The following KLHL22 variants were observed in gnomAD, a reference collection of about 807,000 sequenced individuals.
The protein encoded by KLHL22 is kelch-like protein 22.
KLHL22 carries 18 observed loss-of-function variants against 60.7 expected under a neutral mutation model. The observed-to-expected ratio is 0.30, with a 90% confidence interval of 0.20 to 0.44. The LOEUF is 0.44. KLHL22 is among the 20% of genes least tolerant of loss of function. KLHL22 has a pLI of 1.00. For synonymous variants in KLHL22, 355 were observed against 354.5 expected, an observed-to-expected ratio of 1.00 and a Z score of -0.01; for missense variants, 596 against 852.3, an observed-to-expected ratio of 0.70 and a Z score of 3.74.
At chr22:20,486,970 C>A (rs2053596774) in intron 2 of KLHL22, among the ~76,000 whole-genome samples, 1 of 150,626 alleles carries the variant, frequency 6.6e-6, no homozygotes, top group African/African-American at 2.4e-5. Flanking sequence ...AGTGAGCCAC[C>A]AAGCCTGGCC....
chr22:20,483,593 G>C, intron 2 of KLHL22: 1 of 727,332 alleles, frequency 1.4e-6, no homozygotes, highest in Non-Finnish European at 2.5e-6. Flanking sequence ...TGCATGGGCA[G>C]TTCTGTCTCA....
Position 20,465,467 on chromosome 22 carries a change from G to C in KLHL22, c.503C>G (p.Thr168Ser). 1 of 1,613,330 alleles carries C rather than the reference G, an allele frequency of 6.2e-7. No individual in the cohort carries two copies. The highest frequency in any genetic ancestry group is 8.5e-7 in the Non-Finnish European group (1 of 1,179,250). Residue 168 changes from threonine to serine, a missense_variant, in exon 4 of 7, where the codon ACT becomes AGT. Thr to Ser is a moderately conservative substitution (Grantham distance 58). Coordinates refer to ENST00000328879, the MANE Select transcript of KLHL22 (RefSeq NM_032775.4). This position sits in a 1 kb window ranked among gnomAD's most constrained non-coding sequence, Gnocchi z 4.9. ...GAGGATATAGGTGTCCAGTTGCTCAGTCAGGCGGCTCAAGTCAAACAGCTC... is the reference window on the plus strand; with the variant it reads ...GAGGATATAGGTGTCCAGTTGCTCACTCAGGCGGCTCAAGTCAAACAGCTC... The part of the protein sequence containing the change: ...LAELFDLSRL[T>S]EQLDTYILKN...
At position 20,483,151 on chromosome 22, in the gene KLHL22, G is replaced by A. The variant is rs936963470; in HGVS notation, c.227+5834C>T. 3.0e-5 allele frequency: 19 copies of A among 633,072 alleles called. No individual in the cohort carries two copies. The African/African-American group carries it at 3.2e-4, about 11-fold the overall frequency. 39.2% of individuals were successfully genotyped at this position (633,072 alleles called of 1,614,324 possible). A position where few individuals can be genotyped will look rare whatever the true frequency, so the allele number is the denominator to read the frequency against. Reference sequence around the variant, plus strand: ...CCACCTCCCTGAGGCTGTTCTACAAGCTGGCCTTCAGATTTCTCAAGGAGT... The same window carrying A: ...CCACCTCCCTGAGGCTGTTCTACAAACTGGCCTTCAGATTTCTCAAGGAGT... On this transcript the variant is annotated intron_variant, in intron 2 of 6. Transcript: ENST00000328879.
intron 4 of KLHL22, among the ~76,000 whole-genome samples, chr22:20,460,826 A>G (rs1266407612): frequency 6.6e-6 from 1 of 152,132 alleles, no homozygotes; most frequent in African/African-American, 2.4e-5. Flanking sequence ...TTTTGCATAT[A>G]AAGATATAAA....
At chr22:20,463,211 A>G (rs2053182231) in intron 4 of KLHL22, among the ~76,000 whole-genome samples, 1 of 152,208 alleles carries the variant, frequency 6.6e-6, no homozygotes, top group African/African-American at 2.4e-5. Flanking sequence ...CTCTCAAGGC[A>G]GGTCTTGCCG....
In KLHL22 at chr22:20,465,671, C is replaced by T; in HGVS notation, c.394-95G>A. On this transcript the variant is annotated intron_variant, in intron 3 of 6. Transcript: ENST00000328879. The surrounding 1 kb of genome is among the most constrained non-coding windows in gnomAD (Gnocchi z 4.9). ...TGGCAGAAATACGGGCTGTTGTGGG[C>T]CAGGCAAAGCAGAAGGGAAGTCCTC... 1 of 752,242 alleles carries T rather than the reference C, an allele frequency of 1.3e-6. No individual in the cohort carries two copies. The highest frequency in any genetic ancestry group is 1.8e-5 in the Admixed American group (1 of 54,928). 46.6% of individuals were successfully genotyped at this position (752,242 alleles called of 1,614,324 possible).
At chr22:20,489,980 G>C (rs1029732213) in intron 1 of KLHL22, 22 of 356,714 alleles carry the variant, frequency 6.2e-5, no homozygotes, top group Non-Finnish European at 1.2e-4. Context: ...ACCGCAAACT[G>C]ATTTGAATTG....
At chr22:20,468,691 T>C (rs977613942) in intron 3 of KLHL22, among the ~76,000 whole-genome samples, 4 of 152,142 alleles carry the variant, frequency 2.6e-5, no homozygotes, top group African/African-American at 9.7e-5. Context: ...TTGTTTTTTG[T>C]TTTGAGATAA....
intron 5 of KLHL22, among the ~76,000 whole-genome samples, chr22:20,453,260 C>T (rs2108742): frequency 1 from 151,141 of 151,538 alleles, 75,382 homozygotes; most frequent in Middle Eastern, 1. Context: ...TTTTCTTCTT[C>T]TTTTTTTCTA....
Position 20,450,799 on chromosome 22 carries a change from A to G in KLHL22, c.1306-4123T>C. 2.8e-6 allele frequency: 4 copies of G among 1,446,306 alleles called. 1 individual carries two copies. The South Asian group carries it at 4.6e-5, about 16-fold the overall frequency. 89.6% of individuals were successfully genotyped at this position (1,446,306 alleles called of 1,614,324 possible). A position where few individuals can be genotyped will look rare whatever the true frequency, so the allele number is the denominator to read the frequency against. On this transcript the variant is annotated intron_variant, in intron 5 of 6. Coordinates refer to ENST00000328879, the MANE Select transcript of KLHL22 (RefSeq NM_032775.4). ...ACAGTATATGCAGATGCCCCTGCTA[A>G]CCCTCAGGTATATCACAGATGTAAT...
intron 2 of KLHL22, chr22:20,483,019 C>G (rs1350301762): frequency 6.9e-5 from 47 of 682,034 alleles, no homozygotes; most frequent in African/African-American, 1.7e-5. Context: ...CCAGGGCGTC[C>G]TACTCCTAGG....
chr22:20,485,322 G>C (rs1301027005), intron 2 of KLHL22, among the ~76,000 whole-genome samples: 1 of 152,178 alleles, frequency 6.6e-6, no homozygotes, highest in African/African-American at 2.4e-5. Flanking sequence ...GCCAAAGTAA[G>C]TGTGCAATGA....
At chr22:20,460,561 A>C (rs1233221157) in intron 4 of KLHL22, among the ~76,000 whole-genome samples, 1 of 132,532 alleles carries the variant, frequency 7.5e-6, no homozygotes, top group African/African-American at 2.8e-5. Context: ...GTGAGCTGAG[A>C]TCATGCCATT....
At position 20,464,893 on chromosome 22, in the gene KLHL22, A is replaced by G. The variant is rs1210226924; in HGVS notation, c.1077T>C (p.Asn359=). 1.9e-6 allele frequency: 3 copies of G among 1,548,450 alleles called. No homozygotes were observed. The highest frequency in any genetic ancestry group is 2.6e-6 in the Non-Finnish European group (3 of 1,147,844). Residue 359 remains asparagine, a synonymous_variant, in exon 4 of 7, where the codon AAT becomes AAC. Transcript: ENST00000328879. ...NFVYLIGGDN[N]VQGFRAESRC... ...GGGACTCTGCTCGAAATCCTTGGAC[A>G]TTGTTGTCCCCTCCAATCAAGTATA...
intron 5 of KLHL22, among the ~76,000 whole-genome samples, chr22:20,449,095 G>A (rs753028672): frequency 2.0e-5 from 3 of 150,896 alleles, no homozygotes; most frequent in Non-Finnish European, 3.0e-5. Flanking sequence ...GAGTCTTGCC[G>A]TGTCGCCCAG....
chr22:20,488,153 AAGAG>A (rs768188326), intron 2 of KLHL22, among the ~76,000 whole-genome samples: 24 of 151,966 alleles, frequency 1.6e-4, no homozygotes, highest in African/African-American at 5.8e-4. Context: ...GATAAAGAGA[AAGAG>A]AGAGAGAGAG....
chr22:20,474,524 T>G (rs1204691483), intron 2 of KLHL22, among the ~76,000 whole-genome samples: 1 of 152,178 alleles, frequency 6.6e-6, no homozygotes, highest in Non-Finnish European at 1.5e-5. Context: ...CCCGGGTAGC[T>G]GGGATTACAG....
At chr22:20,481,682 G>T (rs545837038) in intron 2 of KLHL22, among the ~76,000 whole-genome samples, 1 of 152,288 alleles carries the variant, frequency 6.6e-6, no homozygotes, top group East Asian at 1.9e-4. Context: ...TCGGCTCACT[G>T]CAGCTTCAAC....
At chr22:20,488,879 G>T in intron 2 of KLHL22, 106 bp downstream of exon 2, 1 of 1,038,962 alleles carries the variant, frequency 9.6e-7, no homozygotes, top group Non-Finnish European at 1.4e-6. Flanking sequence ...AGTAGGGGAG[G>T]CTCTGAGGTG....
Sources: gnomAD v4.1 joint callset for allele counts (sites outside exome capture counted in the v4.1 genomes callset) on GRCh38, gnomAD v4.1.1 for gene constraint, Gnocchi (gnomAD v3.1) non-coding constraint, MANE v1.5 for transcripts, NCBI Gene and HGNC (gene_info 2026-07-23, HGNC 2026-07-21) for gene names.